The following APPL1 variants were observed in gnomAD, a reference collection of about 807,000 sequenced individuals.
The protein encoded by APPL1 is DCC-interacting protein 13-alpha.
A neutral mutation model predicts 106.8 loss-of-function variants in APPL1; 42 were observed. The ratio of observed to expected loss-of-function variants is 0.39; its 90% CI spans 0.31 to 0.51. The LOEUF (loss-of-function observed/expected upper bound fraction) is 0.51. APPL1 is among the 20% of genes least tolerant of loss of function. The pLI is 0.75. For missense variants in APPL1, 769 were observed against 858.2 expected (o/e 0.90, Z 1.30); for synonymous variants, 263 against 281.8 (o/e 0.93, Z 0.67).
Position 57,258,024 on chromosome 3 carries a change from G to T in APPL1, c.1430+596G>T, listed in dbSNP as rs2060846400. On this transcript the variant is annotated intron_variant, in intron 15 of 21. Transcript: ENST00000288266. Reference sequence around the variant, plus strand: ...TTTGGATATACATGGCTGTGACCCAGAAAAAGTCATTTACATTTGATCACA... The same window carrying T: ...TTTGGATATACATGGCTGTGACCCATAAAAAGTCATTTACATTTGATCACA... 3.3e-5 allele frequency among the ~76,000 whole-genome samples: 5 copies of T among 152,250 alleles called. No homozygotes were observed. In the South Asian group the frequency reaches 1.0e-3, roughly 32 times the overall value.
rs188900751 is a variant in APPL1, at chr3:57,259,551, C to T, written c.1484-294C>T. 2.0e-4 allele frequency among the ~76,000 whole-genome samples: 30 copies of T among 152,252 alleles called. No homozygotes were observed. In the East Asian group the frequency reaches 5.6e-3, roughly 28 times the overall value. ...GCTCAAGGGATCCTCCTGCCTTAGC[C>T]TCCCAAAGTGCTAGGATTACAGGTG... On this transcript the variant is annotated intron_variant, in intron 16 of 21. Transcript: ENST00000288266.
rs1394708166 is a variant in APPL1, at chr3:57,228,520, C to T, written c.54+583C>T. On this transcript the variant is annotated intron_variant, in intron 1 of 21. Transcript: ENST00000288266. This position sits in a 1 kb window ranked among gnomAD's most constrained non-coding sequence, Gnocchi z 4.6. ...GTGACTGTGGTCGCTGTCACTCGAGCTGTGCACGGCGAGGGATGGACGGTG... is the reference window on the plus strand; with the variant it reads ...GTGACTGTGGTCGCTGTCACTCGAGTTGTGCACGGCGAGGGATGGACGGTG... Among the ~76,000 whole-genome samples, 3 of 152,210 alleles carry T rather than the reference C, an allele frequency of 2.0e-5. No individual in the cohort carries two copies. Among genetic ancestry groups the T allele is most frequent in the Non-Finnish European group, 2.9e-5 (2 of 68,048 alleles).
At position 57,235,641 on chromosome 3, in the gene APPL1, A is replaced by G; in HGVS notation, c.130A>G (p.Met44Val). 6.2e-7 allele frequency: 1 copy of G among 1,612,968 alleles called. No individual in the cohort carries two copies. The highest frequency in any genetic ancestry group is 8.5e-7 in the Non-Finnish European group (1 of 1,179,318). ...SNYMNQLYQA[M>V]HRIYDAQNEL... Reference sequence around the variant, plus strand: ...CTATATGAACCAGTTGTATCAAGCTATGCATCGGATTTATGATGCACAGGT... The same window carrying G: ...CTATATGAACCAGTTGTATCAAGCTGTGCATCGGATTTATGATGCACAGGT... The change falls in exon 2 of 22, where the codon ATG becomes GTG. Residue 44 changes from methionine (M) to valine (V), a missense_variant. Transcript: ENST00000288266.
intron 1 of APPL1, among the ~76,000 whole-genome samples, chr3:57,232,295 C>T (rs1402232969): frequency 6.6e-6 from 1 of 152,166 alleles, no homozygotes; most frequent in Non-Finnish European, 1.5e-5. Flanking sequence ...TGCCTTTCCT[C>T]CCAACATTTT....
At chr3:57,236,854 G>A (rs997952857) in intron 2 of APPL1, among the ~76,000 whole-genome samples, 3 of 152,118 alleles carry the variant, frequency 2.0e-5, no homozygotes, top group East Asian at 1.9e-4. Flanking sequence ...TTAATTAAGC[G>A]TACAAGTTTT....
intron 1 of APPL1, among the ~76,000 whole-genome samples, chr3:57,229,868 C>T (rs2060677375): frequency 6.6e-6 from 1 of 151,910 alleles, no homozygotes; most frequent in African/African-American, 2.4e-5. Context: ...CGTGTGCCAC[C>T]ACGCCCACCT....
In APPL1 at chr3:57,267,735, T is replaced by C; in HGVS notation, c.1843-7T>C. On this transcript the variant is annotated splice_region_variant and splice_polypyrimidine_tract_variant and intron_variant, in intron 19 of 21. Coordinates refer to ENST00000288266, the MANE Select transcript of APPL1 (RefSeq NM_012096.3). Reference sequence around the variant, plus strand: ...GCCTGAATTTTTCATACTTTTTCTCTTTTTAGATATGTGATTCTGTTGGAC... The same window carrying C: ...GCCTGAATTTTTCATACTTTTTCTCCTTTTAGATATGTGATTCTGTTGGAC... The C allele has an allele frequency of 6.2e-7, 1 of 1,613,644 alleles. No individual in the cohort carries two copies. Among genetic ancestry groups the C allele is most frequent in the Non-Finnish European group, 8.5e-7 (1 of 1,179,754 alleles).
chr3:57,242,978 C>T, intron 7 of APPL1, 64 bp downstream of exon 7: 4 of 1,245,416 alleles, frequency 3.2e-6, no homozygotes, highest in Non-Finnish European at 4.6e-6. Context: ...TTAGTTTTTC[C>T]TCTATCAAAA....
rs1370471816 is a variant in APPL1, at chr3:57,228,470, C to T, written c.54+533C>T. Among the ~76,000 whole-genome samples, 1 of 152,224 alleles carries T rather than the reference C, an allele frequency of 6.6e-6. No individual in the cohort carries two copies. The highest frequency in any genetic ancestry group is 1.5e-5 in the Non-Finnish European group (1 of 68,038). On this transcript the variant is annotated intron_variant, in intron 1 of 21. Coordinates refer to ENST00000288266, the MANE Select transcript of APPL1 (RefSeq NM_012096.3). The surrounding 1 kb of genome is among the most constrained non-coding windows in gnomAD (Gnocchi z 4.6). ...TCCCGGAGCCCAAGACCGCTCTCCC[C>T]GCCGAATGTGCCCGTGTCGCGGCCG...
chr3:57,259,775 T>C, intron 16 of APPL1, 70 bp from the exon 17 acceptor site: 1 of 1,270,070 alleles, frequency 7.9e-7, no homozygotes, highest in African/African-American at 1.5e-5. Flanking sequence ...AAAAGAAATA[T>C]GGCGAAAAAA....
rs528695007 is a variant in APPL1 at position 57,270,921 on chromosome 3, C to G, written c.*1234C>G. On this transcript the variant is annotated 3_prime_UTR_variant, in exon 22 of 22. Coordinates refer to ENST00000288266, the MANE Select transcript of APPL1 (RefSeq NM_012096.3). ...GTGCCAAGGTTAAAATAACATTTCT[C>G]TACTGCCTATTGTTTATGTTAAACC... 1 of 152,232 alleles carries G rather than the reference C, an allele frequency of 6.6e-6. No individual in the cohort carries two copies. Among genetic ancestry groups the G allele is most frequent in the African/African-American group, 2.4e-5 (1 of 41,550 alleles). 9.4% of individuals were successfully genotyped at this position (152,232 alleles called of 1,614,324 possible). A position where few individuals can be genotyped will look rare whatever the true frequency, so the allele number is the denominator to read the frequency against.
chr3:57,229,657 C>G (rs1025350082), intron 1 of APPL1, among the ~76,000 whole-genome samples: 2 of 150,852 alleles, frequency 1.3e-5, no homozygotes, highest in African/African-American at 4.9e-5. Flanking sequence ...CTGCCTCAGC[C>G]TCCCTAGCAG....
Position 57,269,798 on chromosome 3 carries a change from T to G in APPL1, c.*111T>G. Reference sequence around the variant, plus strand: ...CAAGGAGGAGATTAAGCTTTATATTTGCTTATTTGTTGTAGCTACATTTTA... The same window carrying G: ...CAAGGAGGAGATTAAGCTTTATATTGGCTTATTTGTTGTAGCTACATTTTA... On this transcript the variant is annotated 3_prime_UTR_variant, in exon 22 of 22. Transcript: ENST00000288266. The G allele has an allele frequency of 8.0e-7, 1 of 1,248,132 alleles. No homozygotes were observed. The highest frequency in any genetic ancestry group is 1.1e-6 in the Non-Finnish European group (1 of 897,012). The allele number at this position is 1,248,132 out of a possible 1,614,324, so 77.3% of individuals were successfully genotyped here.
intron 8 of APPL1, 147 bp from the exon 9 acceptor site, chr3:57,247,248 C>A (rs993748831): frequency 3.7e-6 from 2 of 535,306 alleles, no homozygotes; most frequent in African/African-American, 2.0e-5. Flanking sequence ...GTAGAAGTCA[C>A]AAACTACAAT....
At chr3:57,261,582 G>A (rs530108618) in intron 19 of APPL1, among the ~76,000 whole-genome samples, 2 of 152,034 alleles carry the variant, frequency 1.3e-5, no homozygotes, top group Admixed American at 6.6e-5. Context: ...GCAGTGGTGC[G>A]ATCTTGGCTC....
At chr3:57,266,240 T>A (rs578097610) in intron 19 of APPL1, among the ~76,000 whole-genome samples, 6 of 152,326 alleles carry the variant, frequency 3.9e-5, no homozygotes, top group African/African-American at 1.2e-4. Context: ...CCTTCTCCTC[T>A]ATTTTTTGGA....
Position 57,269,449 on chromosome 3 carries a change from A to C in APPL1, c.1984-92A>C. 7.2e-6 allele frequency: 8 copies of C among 1,110,350 alleles called. No homozygotes were observed. The South Asian group carries it at 1.3e-4, about 18-fold the overall frequency. 68.8% of individuals were successfully genotyped at this position (1,110,350 alleles called of 1,614,324 possible). ...AAGTATGCATACATATTTATGACAG[A>C]AGAAGTGGCTCTCAAGAATGTATCT... On this transcript the variant is annotated intron_variant, in intron 21 of 21. Transcript: ENST00000288266.
At chr3:57,244,158 C>CTT (rs113139356) in intron 7 of APPL1, among the ~76,000 whole-genome samples, 14 of 143,616 alleles carry the variant, frequency 9.7e-5, no homozygotes, top group African/African-American at 2.5e-4. Flanking sequence ...AAAGGTTACA[C>CTT]TTTTTTTTTT....
In APPL1 at chr3:57,240,508, C is replaced by T. The variant is rs201464226; in HGVS notation, c.329C>T (p.Ala110Val). ...GTGCTTTCAACTCAACTTGCTGATG[C>T]CATGATGTTCCCCATTACCCAGTTT... ...HAVLSTQLAD[A>V]MMFPITQFKE... The change falls in exon 5 of 22, where the codon GCC (alanine) becomes GTC (valine). Residue 110 changes from alanine to valine, a missense_variant. By Grantham distance (64) the Ala-to-Val change is moderately conservative. Coordinates refer to ENST00000288266, the MANE Select transcript of APPL1 (RefSeq NM_012096.3). 81 of 1,613,744 alleles carry T rather than the reference C, an allele frequency of 5.0e-5. 1 individual carries two copies. The highest frequency in any genetic ancestry group is 1.1e-5 in the South Asian group (1 of 91,070).
Sources: gnomAD v4.1 joint callset for allele counts (sites outside exome capture counted in the v4.1 genomes callset) on GRCh38, gnomAD v4.1.1 for gene constraint, Gnocchi (gnomAD v3.1) non-coding constraint, MANE v1.5 for transcripts, NCBI Gene and HGNC (gene_info 2026-07-23, HGNC 2026-07-21) for gene names.